LHCGR: variants seen among roughly 807,000 people sequenced by gnomAD.
The protein encoded by LHCGR is luteinizing hormone/choriogonadotropin receptor, also known as lutropin-choriogonadotropic hormone receptor.
LHCGR carries 55 observed loss-of-function variants against 60.7 expected under a neutral mutation model. The ratio of observed to expected loss-of-function variants is 0.91; its 90% CI spans 0.73 to 1.13. The LOEUF is 1.13. Among genes scored for constraint, LHCGR ranks in the 50% most tolerant of loss-of-function variants. LHCGR has a pLI of 0.00. For synonymous variants in LHCGR, 337 were observed against 316.5 expected (o/e 1.06, Z -0.69); for missense variants, 862 against 836.0 (o/e 1.03, Z -0.38).
intron 1 of LHCGR, among the ~76,000 whole-genome samples, chr2:48,734,842 G>T (rs755145535): frequency 1.3e-5 from 2 of 152,212 alleles, no homozygotes; most frequent in Admixed American, 1.3e-4. Flanking sequence ...GCAAAAGAGG[G>T]TGATACACCA....
At chr2:48,704,743 T>C (rs1323018896) in intron 8 of LHCGR, among the ~76,000 whole-genome samples, 1 of 152,256 alleles carries the variant, frequency 6.6e-6, no homozygotes, top group African/African-American at 2.4e-5. Flanking sequence ...ATATCCCCTT[T>C]ATCATTTTTT....
rs762003062 is a variant in LHCGR, at chr2:48,687,835, T to A, written c.1962A>T (p.Lys654Asn). The stretch of plus-strand genomic sequence containing the variant: ...AGTTGGAGGTGTAAGCTGAAAAATC[T>A]TTCCTTCTATAAAGTTCAGCCCGAC... Reference protein sequence around the residue: ...CKRRAELYRRKDFSAYTSNCK... With the variant: ...CKRRAELYRRNDFSAYTSNCK... The change falls in exon 11 of 11, where the codon AAA (lysine) becomes AAT (asparagine). Residue 654 changes from lysine (K) to asparagine (N), a missense_variant. Transcript: ENST00000294954. The A allele has an allele frequency of 1.9e-6, 3 of 1,614,170 alleles. No homozygotes were observed. The South Asian group carries it at 3.3e-5, about 18-fold the overall frequency.
intron 4 of LHCGR, 77 bp from the exon 5 acceptor site, chr2:48,723,773 GA>G (rs1668602278): frequency 1.8e-6 from 2 of 1,117,818 alleles, no homozygotes; most frequent in Non-Finnish European, 1.4e-6. Flanking sequence ...AAGATAAAAA[GA>G]GAGTACAAAG....
rs370010927 is a variant in LHCGR at position 48,688,766 on chromosome 2, G to A, written c.1031C>T (p.Ala344Val). Residue 344 changes from alanine (A) to valine (V), a missense_variant, in exon 11 of 11, where the codon GCT becomes GTT. Physicochemically the swap from Ala to Val is moderately conservative, Grantham distance 64. Transcript: ENST00000294954. The surrounding 1 kb of genome is among the most constrained non-coding windows in gnomAD (Gnocchi z 5.2). ...GGGATTAAAAGCATCTGGTTCAGGA[G>A]CACATCGGGGTGTCTTGGGTAAGCA... ...GFCLPKTPRC[A>V]PEPDAFNPCE... 3.8e-5 allele frequency: 61 copies of A among 1,613,942 alleles called. No individual in the cohort carries two copies. The highest frequency in any genetic ancestry group is 4.8e-5 in the Non-Finnish European group (57 of 1,179,986).
intron 7 of LHCGR, among the ~76,000 whole-genome samples, chr2:48,709,958 G>A (rs776125049): frequency 2.0e-5 from 3 of 152,180 alleles, no homozygotes; most frequent in African/African-American, 7.2e-5. Context: ...CTGGAAAACC[G>A]TGGATGGTGG....
intron 7 of LHCGR, among the ~76,000 whole-genome samples, chr2:48,709,638 G>T (rs1022282584): frequency 3.3e-5 from 5 of 152,284 alleles, no homozygotes; most frequent in Middle Eastern, 3.4e-3. Flanking sequence ...AGGTGTATGT[G>T]TGTGTCATGG....
intron 8 of LHCGR, among the ~76,000 whole-genome samples, chr2:48,700,092 C>G (rs566273244): frequency 2.6e-5 from 4 of 152,284 alleles, no homozygotes; most frequent in African/African-American, 9.6e-5. Flanking sequence ...CAAAATTTGT[C>G]TCAGGGGCTT....
At chr2:48,733,078 C>A (rs1669077865) in intron 1 of LHCGR, 1 of 434,434 alleles carries the variant, frequency 2.3e-6, no homozygotes, top group Non-Finnish European at 4.7e-6. Flanking sequence ...ACTGCCAAAC[C>A]AATAAATTTA....
In LHCGR at chr2:48,694,200, G is replaced by A. The variant is rs368110339; in HGVS notation, c.947+24C>T. On this transcript the variant is annotated intron_variant, in intron 10 of 10. Transcript: ENST00000294954. ...ACACAGAACAAGATACGACTTCTGA[G>A]TTTCCTTGCATGCAAATACTTACAG... The A allele has an allele frequency of 1.5e-5, 20 of 1,341,996 alleles. No individual in the cohort carries two copies. The African/African-American group carries it at 2.7e-4, about 18-fold the overall frequency. 83.1% of individuals were successfully genotyped at this position (1,341,996 alleles called of 1,614,324 possible).
intron 1 of LHCGR, among the ~76,000 whole-genome samples, chr2:48,740,014 C>A (rs1023464521): frequency 2.0e-4 from 31 of 152,328 alleles, no homozygotes; most frequent in African/African-American, 7.0e-4. Context: ...CAGGGCGAGG[C>A]ATCACCTCAC....
At chr2:48,754,040 G>T (rs1433556084) in intron 1 of LHCGR, among the ~76,000 whole-genome samples, 5 of 152,118 alleles carry the variant, frequency 3.3e-5, no homozygotes, top group African/African-American at 9.7e-5. Context: ...GAGCAACATG[G>T]CATGCTTGTC....
chr2:48,754,063 G>A (rs141730738), intron 1 of LHCGR, among the ~76,000 whole-genome samples: 2 of 152,134 alleles, frequency 1.3e-5, no homozygotes, highest in African/African-American at 4.8e-5. Context: ...GGACGGACCA[G>A]GGCTGGAACT....
At chr2:48,744,724 C>CTTTT (rs1572892182) in intron 1 of LHCGR, among the ~76,000 whole-genome samples, 2 of 148,130 alleles carry the variant, frequency 1.4e-5, no homozygotes, top group East Asian at 4.0e-4. Flanking sequence ...AAACGTTAGA[C>CTTTT]CTAAAACCAT....
intron 3 of LHCGR, among the ~76,000 whole-genome samples, chr2:48,726,470 C>G (rs1185264715): frequency 2.0e-5 from 3 of 152,142 alleles, no homozygotes; most frequent in Non-Finnish European, 2.9e-5. Flanking sequence ...CAGCCATACA[C>G]CACTGTGATG....
At chr2:48,748,611 G>T (rs1669812685) in intron 1 of LHCGR, among the ~76,000 whole-genome samples, 1 of 152,188 alleles carries the variant, frequency 6.6e-6, no homozygotes, top group South Asian at 2.1e-4. Flanking sequence ...CATCAGGCTT[G>T]CCCCTTGGAT....
At chr2:48,755,173 C>G (rs1026520359) in intron 1 of LHCGR, among the ~76,000 whole-genome samples, 3 of 151,822 alleles carry the variant, frequency 2.0e-5, no homozygotes, top group Admixed American at 2.0e-4. Flanking sequence ...GCAGAGACCC[C>G]TGCCAGAGGA....
chr2:48,700,495 T>A (rs1031617809), intron 8 of LHCGR, among the ~76,000 whole-genome samples: 1 of 152,066 alleles, frequency 6.6e-6, no homozygotes, highest in Non-Finnish European at 1.5e-5. Flanking sequence ...CACAGTCACT[T>A]CTAAGGAGCT....
At chr2:48,741,734 A>G (rs1266448831) in intron 1 of LHCGR, among the ~76,000 whole-genome samples, 1 of 151,856 alleles carries the variant, frequency 6.6e-6, no homozygotes, top group Non-Finnish European at 1.5e-5. Context: ...CCGCTGCAAA[A>G]TCATGCCAAA....
chr2:48,705,367 C>G (rs1011702457), intron 8 of LHCGR, among the ~76,000 whole-genome samples: 1 of 152,004 alleles, frequency 6.6e-6, no homozygotes, highest in African/African-American at 2.4e-5. Context: ...GTATATTCTG[C>G]TGATTTGGGG....
Sources: allele counts gnomAD v4.1 joint callset (sites outside exome capture counted in the v4.1 genomes callset), GRCh38; gene constraint gnomAD v4.1.1; non-coding constraint Gnocchi (gnomAD v3.1); transcripts MANE v1.5; gene names NCBI Gene and HGNC (gene_info 2026-07-23, HGNC 2026-07-21).